Variants in NIBAN3 observed in about 807,000 individuals in gnomAD.
NIBAN3 encodes protein Niban 3.
A neutral mutation model predicts 76.4 loss-of-function variants in NIBAN3; 66 were observed. The observed-to-expected ratio is 0.86, with a 90% CI of 0.71 to 1.06. NIBAN3 has a LOEUF of 1.06. Among genes scored for constraint, NIBAN3 ranks in the 50% least tolerant of loss-of-function variants. NIBAN3 has a pLI of 0.00. For missense variants in NIBAN3, 808 were observed against 810.7 expected, an observed-to-expected ratio of 1.00 and a Z score of 0.04; for synonymous variants, 360 against 355.2, an observed-to-expected ratio of 1.01 and a Z score of -0.15.
chr19:17,554,305 C>G (rs2076196158), downstream of NIBAN3, among the ~76,000 whole-genome samples: 1 of 151,948 alleles, frequency 6.6e-6, no homozygotes, highest in Non-Finnish European at 1.5e-5. Context: ...CATAGCGAGA[C>G]TCCATCTCTA....
chr19:17,527,193 C>A (rs576108729), upstream of NIBAN3: 54 of 1,540,914 alleles, frequency 3.5e-5, no homozygotes, highest in Non-Finnish European at 4.6e-5. Flanking sequence ...GTGGGGAGGA[C>A]GCAGGTGCAG....
At chr19:17,554,914 A>T (rs546000664), downstream of NIBAN3, among the ~76,000 whole-genome samples, 1 of 150,044 alleles carries the variant, frequency 6.7e-6, no homozygotes, top group East Asian at 1.9e-4. Context: ...CGGGCAACAA[A>T]GCCAGACTCC....
intron 8 of NIBAN3, 106 bp downstream of exon 8, chr19:17,539,871 C>G: frequency 6.2e-6 from 3 of 487,398 alleles, no homozygotes; most frequent in Admixed American, 5.9e-5. Context: ...AAAATGGGGG[C>G]GTGGTCAGAG....
At chr19:17,536,766 C>T (rs373450435) in intron 4 of NIBAN3, among the ~76,000 whole-genome samples, 1 of 152,072 alleles carries the variant, frequency 6.6e-6, no homozygotes, top group East Asian at 1.9e-4. Context: ...TCTAGGTCAT[C>T]GGTATCACTG....
chr19:17,551,763 TC>T (rs2076160242), intron 14 of NIBAN3, 22 bp from the exon 15 acceptor site: 1 of 755,526 alleles, frequency 1.3e-6, no homozygotes, highest in Middle Eastern at 2.3e-4. Flanking sequence ...ATTTTTGACG[TC>T]CGTATATTTT....
intron 5 of NIBAN3, among the ~76,000 whole-genome samples, chr19:17,538,522 C>T (rs2075867442): frequency 6.6e-6 from 1 of 151,252 alleles, no homozygotes; most frequent in Non-Finnish European, 1.5e-5. Flanking sequence ...ACTCAGGAGG[C>T]TTAGGTGGGA....
At chr19:17,535,745 C>CAAAAAAAAAA (rs1163900162) in intron 4 of NIBAN3, among the ~76,000 whole-genome samples, 2 of 86,028 alleles carry the variant, frequency 2.3e-5, no homozygotes, top group African/African-American at 8.9e-5. Context: ...AAGACTCTGT[C>CAAAAAAAAAA]AAAAAAAAAA....
chr19:17,542,831 T>C lies in NIBAN3; in HGVS notation c.1330-486T>C, dbSNP rs1599743729. ...TGCCTGCCATAGGGAGCACAGGCTG[T>C]TGGGGACAGGAAAAGAGGAGGCAGG... On this transcript the variant is annotated intron_variant, in intron 10 of 14. Transcript: ENST00000599164. The surrounding 1 kb of genome is among the most constrained non-coding windows in gnomAD (Gnocchi z 4.8). 6.6e-6 allele frequency among the ~76,000 whole-genome samples: 1 copy of C among 151,798 alleles called. No individual in the cohort carries two copies.
At chr19:17,523,487 G>C, upstream of NIBAN3, 1 of 1,545,482 alleles carries the variant, frequency 6.5e-7, no homozygotes, top group Non-Finnish European at 8.8e-7. Context: ...AGAGCTGAGC[G>C]GAAGCTCAGC....
Position 17,551,941 on chromosome 19 carries a change from A to G in NIBAN3, c.*43A>G. The G allele has an allele frequency of 2.7e-6, 2 of 728,188 alleles. No individual in the cohort carries two copies. Among genetic ancestry groups the G allele is most frequent in the Admixed American group, 1.8e-5 (1 of 55,888 alleles). 45.1% of individuals were successfully genotyped at this position (728,188 alleles called of 1,614,324 possible). ...TCTTGTTTCTATTGGATAAATGTCT[A>G]CAAGTGGAATTTCTGGGCCAAAACG... On this transcript the variant is annotated 3_prime_UTR_variant, in exon 15 of 15. Coordinates refer to ENST00000599164, the MANE Select transcript of NIBAN3 (RefSeq NM_001321827.2).
At chr19:17,537,631 C>A in intron 5 of NIBAN3, 88 bp downstream of exon 5, 1 of 1,302,290 alleles carries the variant, frequency 7.7e-7, no homozygotes, top group Non-Finnish European at 1.0e-6. Context: ...CCTCTCCAGG[C>A]CTCACTTTCT....
downstream of NIBAN3, among the ~76,000 whole-genome samples, chr19:17,554,510 G>A (rs1474988864): frequency 2.6e-5 from 4 of 151,746 alleles, no homozygotes; most frequent in African/African-American, 4.8e-5. Context: ...TAAGCTGGGC[G>A]CGGTGGCTCA....
downstream of NIBAN3, among the ~76,000 whole-genome samples, chr19:17,555,245 G>C (rs762483981): frequency 6.6e-6 from 1 of 152,196 alleles, no homozygotes; most frequent in Non-Finnish European, 1.5e-5. Flanking sequence ...ACATCCCTGT[G>C]AGATCCAAAA....
chr19:17,550,843 CTTTTTT>C (rs10690901), intron 14 of NIBAN3, among the ~76,000 whole-genome samples: 118 of 91,560 alleles, frequency 1.3e-3, no homozygotes, highest in South Asian at 2.7e-3. Context: ...CTTGTACATA[CTTTTTT>C]TTTTTTTTTT....
At position 17,543,518 on chromosome 19, in the gene NIBAN3, G is replaced by T; in HGVS notation, c.1447-6G>T. 6.2e-7 allele frequency: 1 copy of T among 1,614,078 alleles called. No individual in the cohort carries two copies. The highest frequency in any genetic ancestry group is 8.5e-7 in the Non-Finnish European group (1 of 1,179,950). On this transcript the variant is annotated splice_region_variant and splice_polypyrimidine_tract_variant and intron_variant, in intron 11 of 14. Transcript: ENST00000599164. The stretch of plus-strand genomic sequence containing the variant: ...TGCTGGACGCACCGCTGGGTGTGTT[G>T]TGCAGAAATTCAAATCGGACAGCGG...
chr19:17,538,614 C>T (rs2075869200), intron 5 of NIBAN3, among the ~76,000 whole-genome samples: 1 of 144,958 alleles, frequency 6.9e-6, no homozygotes, highest in African/African-American at 2.6e-5. Flanking sequence ...CAGAGAGACC[C>T]CCTGAGAAAG....
upstream of NIBAN3, among the ~76,000 whole-genome samples, chr19:17,525,267 G>C (rs1008520259): frequency 1.2e-4 from 19 of 152,336 alleles, no homozygotes; most frequent in African/African-American, 4.6e-4. Flanking sequence ...GAAAACCTGT[G>C]ATGGCTCCAT....
intron 11 of NIBAN3, 35 bp from the exon 12 acceptor site, chr19:17,543,489 T>C (rs2075993686): frequency 4.3e-6 from 7 of 1,612,236 alleles, no homozygotes; most frequent in East Asian, 2.2e-5. Context: ...GGTGCTCAGA[T>C]GGTTGCTGGA....
upstream of NIBAN3, among the ~76,000 whole-genome samples, chr19:17,524,374 C>T (rs1325152127): frequency 6.6e-6 from 1 of 152,102 alleles, no homozygotes; most frequent in African/African-American, 2.4e-5. Flanking sequence ...CAACCTCCGC[C>T]TCCTGGGTTC....
Sources: gnomAD v4.1 joint callset for allele counts (sites outside exome capture counted in the v4.1 genomes callset) on GRCh38, gnomAD v4.1.1 for gene constraint, Gnocchi (gnomAD v3.1) non-coding constraint, MANE v1.5 for transcripts, NCBI Gene and HGNC (gene_info 2026-07-23, HGNC 2026-07-21) for gene names.